The following NKX6-3 variants were observed in gnomAD, a reference collection of about 807,000 sequenced individuals.
The protein encoded by NKX6-3 is homeobox protein Nkx-6.3.
In NKX6-3, 17 loss-of-function variants were observed where a neutral mutation model predicts 22.0. The ratio of observed to expected loss-of-function variants is 0.77; its 90% confidence interval spans 0.53 to 1.16. The LOEUF is 1.16. Among genes scored for constraint, NKX6-3 ranks in the 50% most tolerant of loss-of-function variants. NKX6-3 has a pLI of 0.00. For missense variants in NKX6-3, 363 were observed against 359.0 expected (o/e 1.01, Z -0.09); for synonymous variants, 177 against 167.2 (o/e 1.06, Z -0.45).
In NKX6-3 at chr8:41,650,663, CA is replaced by C; in HGVS notation, c.-172del. 1 of 657,964 alleles carries C rather than the reference CA, an allele frequency of 1.5e-6. No homozygotes were observed. The highest frequency in any genetic ancestry group is 2.0e-5 in the South Asian group (1 of 51,260). The allele number at this position is 657,964 out of a possible 1,614,324, so 40.8% of individuals were successfully genotyped here. ...CCTGGCCCAGGAACCGGCACCCGATCAGCTGCTCGGAAGTCAGGTGCTCGGG... is the reference window on the plus strand; with the variant it reads ...CCTGGCCCAGGAACCGGCACCCGATCGCTGCTCGGAAGTCAGGTGCTCGGG... On this transcript the variant is annotated 5_prime_UTR_variant, in exon 1 of 3. Transcript: ENST00000518699.
intron 1 of NKX6-3, among the ~76,000 whole-genome samples, chr8:41,649,714 C>T (rs1390758127): frequency 2.0e-5 from 3 of 152,204 alleles, no homozygotes; most frequent in Non-Finnish European, 4.4e-5. Flanking sequence ...GGACATTTTC[C>T]TCACGGGGGT....
At position 41,646,041 on chromosome 8, in the gene NKX6-3, G is replaced by C. The variant is rs2150518699; in HGVS notation, c.*408C>G. On this transcript the variant is annotated 3_prime_UTR_variant, in exon 3 of 3. Transcript: ENST00000518699. ...CTGGGAAGTCCTGCCCACTCCCCCCGCCCCAACAGCTGGATCACAGTGGCA... is the reference window on the plus strand; with the variant it reads ...CTGGGAAGTCCTGCCCACTCCCCCCCCCCCAACAGCTGGATCACAGTGGCA... The C allele has an allele frequency of 1.5e-5, 3 of 199,996 alleles. No homozygotes were observed. Among genetic ancestry groups the C allele is most frequent in the Non-Finnish European group, 3.0e-5 (3 of 99,768 alleles). 12.4% of individuals were successfully genotyped at this position (199,996 alleles called of 1,614,324 possible). A position where few individuals can be genotyped will look rare whatever the true frequency, so the allele number is the denominator to read the frequency against.
chr8:41,646,470 G>C lies in NKX6-3; in HGVS notation c.777C>G (p.Ser259Arg). ...RKHRAAFSVLSLGAHSV is the reference protein window; with the variant it reads ...RKHRAAFSVLRLGAHSV ...GGCGTCAGACGCTGTGCGCTCCCAG[G>C]CTGAGCACCGAGAAGGCGGCGCGGT... The change falls in exon 3 of 3, where the codon AGC (serine) becomes AGG (arginine). Residue 259 changes from serine (S) to arginine (R), a missense_variant. Coordinates refer to ENST00000518699, the MANE Select transcript of NKX6-3 (RefSeq NM_001364841.2). 2 of 1,604,740 alleles carry C rather than the reference G, an allele frequency of 1.2e-6. No homozygotes were observed. The highest frequency in any genetic ancestry group is 1.7e-6 in the Non-Finnish European group (2 of 1,176,936).
At chr8:41,647,407 C>A in intron 2 of NKX6-3, 4 of 1,507,176 alleles carry the variant, frequency 2.7e-6, no homozygotes, top group Non-Finnish European at 3.5e-6. Context: ...GGGAAAGTTG[C>A]CCCCAGACTC....
In NKX6-3 at chr8:41,646,596, T is replaced by G. The variant is rs748566370; in HGVS notation, c.651A>C (p.Ala217=). 3.9e-5 allele frequency: 62 copies of G among 1,575,946 alleles called. No homozygotes were observed. The highest frequency in any genetic ancestry group is 4.4e-5 in the Non-Finnish European group (51 of 1,161,762). Residue 217 remains alanine, a synonymous_variant, in exon 3 of 3, where the codon GCA becomes GCC. Coordinates refer to ENST00000518699, the MANE Select transcript of NKX6-3 (RefSeq NM_001364841.2). ...PRAPGGAGAG[A]GGDRAPSENE... ...TCTCCGAGGGTGCGCGGTCCCCGCCTGCGCCTGCACCCGCGCCGCCCGGGG... is the reference window on the plus strand; with the variant it reads ...TCTCCGAGGGTGCGCGGTCCCCGCCGGCGCCTGCACCCGCGCCGCCCGGGG...
At position 41,645,540 on chromosome 8, in the gene NKX6-3, C is replaced by T. The variant is rs903750555; in HGVS notation, c.*909G>A. ...TGCCGTTCTGGGGTCTTTCCCAGCC[C>T]TTCCTTTCCTCCCCAGGTGGGATGC... On this transcript the variant is annotated 3_prime_UTR_variant, in exon 3 of 3. Transcript: ENST00000518699. 1 of 152,382 alleles carries T rather than the reference C, an allele frequency of 6.6e-6. No homozygotes were observed. The highest frequency in any genetic ancestry group is 2.4e-5 in the African/African-American group (1 of 41,432). The allele number at this position is 152,382 out of a possible 1,614,324, so 9.4% of individuals were successfully genotyped here. A position where few individuals can be genotyped will look rare whatever the true frequency, so the allele number is the denominator to read the frequency against.
At position 41,646,596 on chromosome 8, in the gene NKX6-3, T is replaced by TGCGCCTGCACCC; in HGVS notation, c.639_650dup (p.Ala215_Gly218dup). The TGCGCCTGCACCC allele has an allele frequency of 1.3e-6, 2 of 1,576,064 alleles. No individual in the cohort carries two copies. The highest frequency in any genetic ancestry group is 1.7e-6 in the Non-Finnish European group (2 of 1,161,754). On this transcript the variant is annotated inframe_insertion, in exon 3 of 3. Coordinates refer to ENST00000518699, the MANE Select transcript of NKX6-3 (RefSeq NM_001364841.2). ...TCTCCGAGGGTGCGCGGTCCCCGCC[T>TGCGCCTGCACCC]GCGCCTGCACCCGCGCCGCCCGGGG...
rs1315904214 is a variant in NKX6-3, at chr8:41,650,433, C to T, written c.60G>A (p.Pro20=). The change falls in exon 1 of 3, where the codon CCG becomes CCA. Residue 20 remains proline, a synonymous_variant. Transcript: ENST00000518699. The part of the protein sequence containing the change: ...LLNNTPLAQF[P]EMKAPVCQYS... ...ACTGGCACACCGGGGCCTTCATCTC[C>T]GGAAACTGAGCCAGCGGCGTGTTGT... 26 of 1,535,758 alleles carry T rather than the reference C, an allele frequency of 1.7e-5. No homozygotes were observed. The highest frequency in any genetic ancestry group is 3.3e-4 in the Middle Eastern group (2 of 5,986).
At chr8:41,647,975 G>T in intron 2 of NKX6-3, 91 bp downstream of exon 2, 1 of 1,208,304 alleles carries the variant, frequency 8.3e-7, no homozygotes, top group Non-Finnish European at 1.1e-6. Context: ...CTGGGGGGCT[G>T]CGTTGTGTGG....
chr8:41,646,286 CCTCCTCCTCCCCTGCACCTGCTG>C lies in NKX6-3; in HGVS notation c.*140_*162del, dbSNP rs1328182707. The C allele has an allele frequency of 3.2e-6, 3 of 936,088 alleles. No individual in the cohort carries two copies. The highest frequency in any genetic ancestry group is 3.1e-6 in the Non-Finnish European group (2 of 639,298). The allele number at this position is 936,088 out of a possible 1,614,324, so 58.0% of individuals were successfully genotyped here. A position where few individuals can be genotyped will look rare whatever the true frequency, so the allele number is the denominator to read the frequency against. On this transcript the variant is annotated 3_prime_UTR_variant, in exon 3 of 3. Transcript: ENST00000518699. ...CTTTTCCTCCTCCTCCCCCGCCTCCCCTCCTCCTCCCCTGCACCTGCTGCTCCTCCTCCACGCGCCCCTCATCC... is the reference window on the plus strand; with the variant it reads ...CTTTTCCTCCTCCTCCCCCGCCTCCCCTCCTCCTCCACGCGCCCCTCATCC...
rs758143173 is a variant in NKX6-3, at chr8:41,650,463, C to T, written c.30G>A (p.Leu10=). 18 of 1,535,568 alleles carry T rather than the reference C, an allele frequency of 1.2e-5. No individual in the cohort carries two copies. The highest frequency in any genetic ancestry group is 1.4e-5 in the Non-Finnish European group (16 of 1,146,840). The change falls in exon 1 of 3, where the codon CTG becomes CTA. Residue 10 remains leucine (L), a synonymous_variant. Transcript: ENST00000518699. ...ACTGAGCCAGCGGCGTGTTGTTCAG[C>T]AGGAACGTCCCCTGCAGGTTGGACT... The part of the protein sequence containing the change: MESNLQGTF[L]LNNTPLAQFP...
Position 41,646,323 on chromosome 8 carries a change from C to T in NKX6-3, c.*126G>A. 8.1e-7 allele frequency: 1 copy of T among 1,235,370 alleles called. No homozygotes were observed. Among genetic ancestry groups the T allele is most frequent in the Non-Finnish European group, 1.1e-6 (1 of 923,408 alleles). The allele number at this position is 1,235,370 out of a possible 1,614,324, so 76.5% of individuals were successfully genotyped here. ...CTGCACCTGCTGCTCCTCCTCCACGCGCCCCTCATCCAAAGAAAGACTCAG... is the reference window on the plus strand; with the variant it reads ...CTGCACCTGCTGCTCCTCCTCCACGTGCCCCTCATCCAAAGAAAGACTCAG... On this transcript the variant is annotated 3_prime_UTR_variant, in exon 3 of 3. Transcript: ENST00000518699.
chr8:41,646,258 C>A lies in NKX6-3; in HGVS notation c.*191G>T. 1 of 727,492 alleles carries A rather than the reference C, an allele frequency of 1.4e-6. No individual in the cohort carries two copies. The highest frequency in any genetic ancestry group is 2.2e-6 in the Non-Finnish European group (1 of 453,172). 45.1% of individuals were successfully genotyped at this position (727,492 alleles called of 1,614,324 possible). A position where few individuals can be genotyped will look rare whatever the true frequency, so the allele number is the denominator to read the frequency against. ...TAGCTAGGATGCCTGTCCCCTTTCC[C>A]TCCTTTTCCTCCTCCTCCCCCGCCT... On this transcript the variant is annotated 3_prime_UTR_variant, in exon 3 of 3. Coordinates refer to ENST00000518699, the MANE Select transcript of NKX6-3 (RefSeq NM_001364841.2).
intron 2 of NKX6-3, chr8:41,647,099 C>T (rs1804227914): frequency 7.2e-7 from 1 of 1,382,816 alleles, no homozygotes; most frequent in Non-Finnish European, 1.0e-6. Context: ...GCTTCATAGA[C>T]CCTCACCCTA....
chr8:41,650,276 C>T lies in NKX6-3; in HGVS notation c.217G>A (p.Gly73Ser), dbSNP rs940482036. Residue 73 changes from glycine to serine, a missense_variant, in exon 1 of 3, where the codon GGC becomes AGC. This residue lies in a region of NKX6-3 where 175 missense variants were observed against 160.9 expected (regional missense o/e 1.09). Coordinates refer to ENST00000518699, the MANE Select transcript of NKX6-3 (RefSeq NM_001364841.2). ...VAAPNNSLLS[G>S]YPHVAGFGGL... ...CCAAAGCCTGCCACGTGGGGGTAGCCGGAGAGGAGGCTGTTGTTCGGCGCA... is the reference window on the plus strand; with the variant it reads ...CCAAAGCCTGCCACGTGGGGGTAGCTGGAGAGGAGGCTGTTGTTCGGCGCA... The T allele has an allele frequency of 1.3e-6, 2 of 1,533,840 alleles. No individual in the cohort carries two copies. The highest frequency in any genetic ancestry group is 1.7e-6 in the Non-Finnish European group (2 of 1,145,714).
At chr8:41,647,283 C>G (rs114744615) in intron 2 of NKX6-3, 1 of 1,605,230 alleles carries the variant, frequency 6.2e-7, no homozygotes, top group Non-Finnish European at 8.5e-7. Context: ...GAGGGCGCAG[C>G]GGGTTGGAGC....
chr8:41,646,463 C>G lies in NKX6-3; in HGVS notation c.784G>C (p.Ala262Pro). The G allele has an allele frequency of 6.2e-7, 1 of 1,602,224 alleles. No individual in the cohort carries two copies. Among genetic ancestry groups the G allele is most frequent in the Non-Finnish European group, 8.5e-7 (1 of 1,176,138 alleles). Residue 262 changes from alanine to proline, a missense_variant, in exon 3 of 3, where the codon GCG (alanine) becomes CCG (proline). Transcript: ENST00000518699. Reference protein sequence around the residue: ...RAAFSVLSLGAHSV With the variant: ...RAAFSVLSLGPHSV ...GACGGCGGGCGTCAGACGCTGTGCG[C>G]TCCCAGGCTGAGCACCGAGAAGGCG...
rs1168941834 is a variant in NKX6-3 at position 41,650,118 on chromosome 8, G to T, written c.375C>A (p.Cys125Ter). ...TGQDWRGGRQ[C>*]SNTPDPLSDS... ...GGGAGGACCCGTACTCACTGTTGCTGCACTGCCGCCCGCCTCGCCAGTCTT... is the reference window on the plus strand; with the variant it reads ...GGGAGGACCCGTACTCACTGTTGCTTCACTGCCGCCCGCCTCGCCAGTCTT... The change falls in exon 1 of 3, where the codon TGC (cysteine) becomes TGA (stop). Residue 125 changes from cysteine (C) to a stop codon, truncating the protein, a stop_gained. Coordinates refer to ENST00000518699, the MANE Select transcript of NKX6-3 (RefSeq NM_001364841.2). LOFTEE classifies it high-confidence loss of function. The T allele has an allele frequency of 1.3e-6, 2 of 1,534,078 alleles. No individual in the cohort carries two copies. Among genetic ancestry groups the T allele is most frequent in the Admixed American group, 3.9e-5 (2 of 50,754 alleles).
chr8:41,648,254 T>C lies in NKX6-3; in HGVS notation c.383-19A>G, dbSNP rs1030695554. Reference sequence around the variant, plus strand: ...TCTGGGGCTGGCAGGAGGAAGGAAGTGTGGGGTTAGTAGAATAAGTGGGGA... The same window carrying C: ...TCTGGGGCTGGCAGGAGGAAGGAAGCGTGGGGTTAGTAGAATAAGTGGGGA... On this transcript the variant is annotated intron_variant, in intron 1 of 2. Transcript: ENST00000518699. 2 of 1,527,176 alleles carry C rather than the reference T, an allele frequency of 1.3e-6. No individual in the cohort carries two copies. Among genetic ancestry groups the C allele is most frequent in the African/African-American group, 1.4e-5 (1 of 72,862 alleles). 94.6% of individuals were successfully genotyped at this position (1,527,176 alleles called of 1,614,324 possible). A position where few individuals can be genotyped will look rare whatever the true frequency, so the allele number is the denominator to read the frequency against.
Sources: allele counts gnomAD v4.1 joint callset (sites outside exome capture counted in the v4.1 genomes callset), GRCh38; gene constraint gnomAD v4.1.1; regional missense constraint gnomAD v4.1.1; transcripts MANE v1.5; gene names NCBI Gene and HGNC (gene_info 2026-07-23, HGNC 2026-07-21).